Variants in PDE4DIP observed in about 807,000 individuals in gnomAD.
The protein encoded by PDE4DIP is myomegalin.
Under a neutral mutation model 221.4 loss-of-function variants are expected in PDE4DIP, and 59 were observed. The ratio of observed to expected loss-of-function variants is 0.27; its 90% CI spans 0.22 to 0.33. The LOEUF (loss-of-function observed/expected upper bound fraction) is 0.33, where lower values mean the gene tolerates loss of function less well. PDE4DIP is among the 10% of genes least tolerant of loss of function. The pLI, the probability that PDE4DIP is intolerant of heterozygous loss-of-function variation, is 1.00. For synonymous variants in PDE4DIP, 404 were observed against 815.9 expected (o/e 0.50, Z 8.60); for missense variants, 1,036 against 2,154.2 (o/e 0.48, Z 10.28).
At chr1:148,821,522 C>A (rs1482204483) in intron 1 of PDE4DIP, among the ~76,000 whole-genome samples, 1 of 150,236 alleles carries the variant, frequency 6.7e-6, no homozygotes, top group African/African-American at 2.5e-5. Context: ...AAAAAAATTT[C>A]GTTAGAGAGG....
chr1:148,822,788 A>G, intron 1 of PDE4DIP, among the ~76,000 whole-genome samples: 1 of 114,276 alleles, frequency 8.8e-6, no homozygotes, highest in Admixed American at 9.2e-5. Flanking sequence ...AATTACATAT[A>G]TAATTACATG....
chr1:148,951,832 C>G (rs587712537), intron 5 of PDE4DIP: 1 of 156,720 alleles, frequency 6.4e-6, no homozygotes. Flanking sequence ...AAACACTCCT[C>G]TACTCTTTTC....
intron 1 of PDE4DIP, among the ~76,000 whole-genome samples, chr1:148,895,907 AT>A (rs1400278289): frequency 1.8e-5 from 2 of 109,124 alleles, no homozygotes; most frequent in African/African-American, 3.4e-5. Flanking sequence ...TCATTGACTG[AT>A]TTTCTTTGGT....
At chr1:148,863,269 G>A (rs782507720) in exon 2 of PDE4DIP, 1 of 471,306 alleles carries the variant, frequency 2.1e-6, no homozygotes, top group Non-Finnish European at 3.3e-6. Context: ...TGCAGAGGAT[G>A]ATGGGGAGAT....
intron 9 of PDE4DIP, among the ~76,000 whole-genome samples, chr1:148,962,962 C>T (rs587741668): frequency 2.0e-5 from 3 of 152,146 alleles, no homozygotes; most frequent in South Asian, 2.1e-4. Flanking sequence ...GCGCGATCTC[C>T]GCTCACTGCA....
chr1:148,982,211 T>C (rs1188531978), intron 21 of PDE4DIP: 1 of 152,246 alleles, frequency 6.6e-6, no homozygotes, highest in Non-Finnish European at 1.5e-5. Context: ...TCATGCTATT[T>C]AGTCAGAACA....
At chr1:149,010,247 C>T (rs2068193158) in intron 30 of PDE4DIP, among the ~76,000 whole-genome samples, 196 bp from the exon 34 acceptor site, 1 of 152,116 alleles carries the variant, frequency 6.6e-6, no homozygotes, top group Non-Finnish European at 1.5e-5. Flanking sequence ...CAGAGCACCG[C>T]TGTCATCCCT....
intron 5 of PDE4DIP, among the ~76,000 whole-genome samples, chr1:148,944,803 G>A (rs1408231890): frequency 6.6e-6 from 1 of 152,142 alleles, no homozygotes; most frequent in Non-Finnish European, 1.5e-5. Flanking sequence ...CCCGGGAGGT[G>A]GAGGTTGTAG....
At chr1:149,020,760 T>C in intron 36 of PDE4DIP, 3 of 453,966 alleles carry the variant, frequency 6.6e-6, no homozygotes, top group Non-Finnish European at 1.2e-5. Context: ...GTAAGGAGAC[T>C]GTGCTGGTGT....
rs587731654 is a variant in PDE4DIP at position 148,971,698 on chromosome 1, G to C, written c.1981-482G>C. Among the ~76,000 whole-genome samples, 120 of 152,020 alleles carry C rather than the reference G, an allele frequency of 7.9e-4. 2 individuals are homozygous for C. Among genetic ancestry groups the C allele is most frequent in the Middle Eastern group, 6.8e-3 (2 of 294 alleles). ...CCAAAACATATTCATCTTATACTTT[G>C]GCCAGCAAGATTGCTGTTTTGGATA... On this transcript the variant is annotated intron_variant, in intron 14 of 43. Transcript: ENST00000369354.
At chr1:148,829,017 A>AACACACACACACACAC (rs5777522) in intron 1 of PDE4DIP, among the ~76,000 whole-genome samples, 7 of 143,470 alleles carry the variant, frequency 4.9e-5, no homozygotes, top group African/African-American at 1.8e-4. Context: ...TTCCTGCATA[A>AACACACACACACACAC]ACACACACAC....
chr1:148,950,012 G>A (rs1488879039), intron 5 of PDE4DIP, among the ~76,000 whole-genome samples: 1 of 151,470 alleles, frequency 6.6e-6, no homozygotes, highest in Non-Finnish European at 1.5e-5. Context: ...TCTACACCAA[G>A]CTATCTATAT....
intron 5 of PDE4DIP, among the ~76,000 whole-genome samples, chr1:148,944,341 T>G (rs2051137929): frequency 6.7e-6 from 1 of 149,340 alleles, no homozygotes; most frequent in Admixed American, 6.7e-5. Flanking sequence ...GGTAGAGAAG[T>G]AGTAGCAGGA....
intron 37 of PDE4DIP, among the ~76,000 whole-genome samples, chr1:149,023,755 T>C (rs587643373): frequency 4.7e-5 from 5 of 106,036 alleles, no homozygotes; most frequent in Non-Finnish European, 9.4e-5. Flanking sequence ...TGTGTGCACA[T>C]ATATATGTAC....
intron 20 of PDE4DIP, among the ~76,000 whole-genome samples, chr1:148,980,187 AG>A (rs1338402134): frequency 2.0e-5 from 3 of 152,226 alleles, no homozygotes; most frequent in African/African-American, 4.8e-5. Context: ...GTCCTGTTAA[AG>A]GCTGTTCTAT....
In PDE4DIP at chr1:148,998,435, G is replaced by T. The variant is rs1476151104; in HGVS notation, c.3137+60G>T. The stretch of plus-strand genomic sequence containing the variant: ...GGTCATGAGGCACCACAGCCAAGGG[G>T]TGCCTATCCCAGGCTCCATGCATTA... On this transcript the variant is annotated intron_variant, in intron 23 of 43. Transcript: ENST00000369354. 37 of 844,106 alleles carry T rather than the reference G, an allele frequency of 4.4e-5. No individual in the cohort carries two copies. In the African/African-American group the frequency reaches 4.5e-4, roughly 10 times the overall value. The allele number at this position is 844,106 out of a possible 1,614,324, so 52.3% of individuals were successfully genotyped here.
chr1:149,012,529 A>C (rs375830449), intron 31 of PDE4DIP, 62 bp from the exon 35 acceptor site: 2 of 914,840 alleles, frequency 2.2e-6, no homozygotes, highest in Middle Eastern at 2.2e-4. Flanking sequence ...TCTTTTACCC[A>C]TTCTTTTCTC....
intron 3 of PDE4DIP, among the ~76,000 whole-genome samples, chr1:148,881,398 CTATTA>C (rs1693580896): frequency 9.5e-6 from 1 of 105,408 alleles, no homozygotes; most frequent in African/African-American, 4.0e-5. Flanking sequence ...CCAATTTTGG[CTATTA>C]TGAGTAATGC....
intron 9 of PDE4DIP, among the ~76,000 whole-genome samples, chr1:148,964,275 ATTT>A (rs2057726167): frequency 6.6e-6 from 1 of 151,210 alleles, no homozygotes; most frequent in Non-Finnish European, 1.5e-5. Context: ...CGCCTGGCTA[ATTT>A]TGTATTTTTA....
Sources: gnomAD v4.1 joint callset for allele counts (sites outside exome capture counted in the v4.1 genomes callset) on GRCh38, gnomAD v4.1.1 for gene constraint, MANE v1.5 for transcripts, NCBI Gene and HGNC (gene_info 2026-07-23, HGNC 2026-07-21) for gene names.